Variants in FGF12 observed in about 807,000 individuals in gnomAD.
The protein encoded by FGF12 is fibroblast growth factor 12B.
A neutral mutation model predicts 23.6 loss-of-function variants in FGF12; 14 were observed. The ratio of observed to expected loss-of-function variants is 0.59; its 90% CI spans 0.39 to 0.93. The LOEUF (loss-of-function observed/expected upper bound fraction) is 0.93. FGF12 is among the 40% of genes least tolerant of loss of function. The pLI is 0.00. For synonymous variants in FGF12, 62 were observed against 77.3 expected, an observed-to-expected ratio of 0.80 and a Z score of 1.04; for missense variants, 175 against 217.8, an observed-to-expected ratio of 0.80 and a Z score of 1.24.
At chr3:192,626,432 T>C (rs1043945282) in intron 2 of FGF12, among the ~76,000 whole-genome samples, 10 of 152,214 alleles carry the variant, frequency 6.6e-5, no homozygotes, top group Non-Finnish European at 4.4e-5. Flanking sequence ...AAAGACTCTG[T>C]CACTATCCAA....
chr3:192,263,193 T>C (rs1385934654), intron 4 of FGF12, among the ~76,000 whole-genome samples: 1 of 152,036 alleles, frequency 6.6e-6, no homozygotes, highest in Non-Finnish European at 1.5e-5. Context: ...GCAGTAAAAA[T>C]GGTCCATTGT....
At chr3:192,313,580 A>G (rs1307615303) in intron 4 of FGF12, among the ~76,000 whole-genome samples, 1 of 152,232 alleles carries the variant, frequency 6.6e-6, no homozygotes, top group Non-Finnish European at 1.5e-5. Flanking sequence ...TCTGTTTCCA[A>G]ATCCCAGATG....
intron 2 of FGF12, among the ~76,000 whole-genome samples, chr3:192,707,850 G>C (rs928591524): frequency 6.6e-5 from 10 of 152,008 alleles, no homozygotes; most frequent in Admixed American, 1.3e-4. Flanking sequence ...AGGTGCAGGA[G>C]AAAGTTTTTA....
chr3:192,230,127 T>C (rs946115197), intron 4 of FGF12, among the ~76,000 whole-genome samples: 10 of 152,108 alleles, frequency 6.6e-5, no homozygotes, highest in African/African-American at 2.4e-4. Context: ...AATCAGAATA[T>C]ACATTTTACC....
intron 2 of FGF12, among the ~76,000 whole-genome samples, chr3:192,394,196 T>A (rs1720423985): frequency 6.6e-6 from 1 of 152,178 alleles, no homozygotes; most frequent in African/African-American, 2.4e-5. Flanking sequence ...TTAAAACAAA[T>A]ACTAGTTCCA....
chr3:192,157,324 C>T (rs1714482540), intron 5 of FGF12, among the ~76,000 whole-genome samples: 1 of 152,054 alleles, frequency 6.6e-6, no homozygotes, highest in South Asian at 2.1e-4. Flanking sequence ...CAGAACAGGA[C>T]CATAATATAT....
intron 2 of FGF12, among the ~76,000 whole-genome samples, chr3:192,397,944 A>AT (rs1553807914): frequency 2.6e-5 from 3 of 115,618 alleles, no homozygotes; most frequent in African/African-American, 7.9e-5. Context: ...CACCAGTGCA[A>AT]TTTAAAAAAA....
At chr3:192,386,759 A>G (rs1200491490) in intron 2 of FGF12, among the ~76,000 whole-genome samples, 1 of 152,196 alleles carries the variant, frequency 6.6e-6, no homozygotes, top group Non-Finnish European at 1.5e-5. Context: ...AAATCAAACT[A>G]TTTCTGACCT....
At chr3:192,535,054 A>T (rs1050163472) in intron 2 of FGF12, among the ~76,000 whole-genome samples, 1 of 152,160 alleles carries the variant, frequency 6.6e-6, no homozygotes, top group East Asian at 1.9e-4. Flanking sequence ...CATTATTAGG[A>T]TATGTTATAA....
chr3:192,213,068 T>C (rs1718016787), intron 4 of FGF12, among the ~76,000 whole-genome samples: 1 of 152,220 alleles, frequency 6.6e-6, no homozygotes, highest in East Asian at 1.9e-4. Flanking sequence ...GTGCCAATCT[T>C]TATCAATGTC....
intron 4 of FGF12, among the ~76,000 whole-genome samples, chr3:192,172,523 TTAGAG>T (rs1315474249): frequency 6.6e-6 from 1 of 150,938 alleles, no homozygotes; most frequent in East Asian, 1.9e-4. Context: ...ATATGATTTC[TTAGAG>T]TACTTTGAGT....
chr3:192,279,345 C>G (rs1714006802), intron 4 of FGF12, among the ~76,000 whole-genome samples: 1 of 151,694 alleles, frequency 6.6e-6, no homozygotes, highest in Admixed American at 6.6e-5. Flanking sequence ...AAGAAAATGA[C>G]TCTAAGAGAG....
chr3:192,529,951 A>AT (rs1163185030), intron 2 of FGF12, among the ~76,000 whole-genome samples: 2 of 151,712 alleles, frequency 1.3e-5, no homozygotes, highest in Admixed American at 1.3e-4. Context: ...GTTGTTACAC[A>AT]TATCTAATGG....
chr3:192,496,448 C>T (rs1404978030), intron 2 of FGF12, among the ~76,000 whole-genome samples: 1 of 151,938 alleles, frequency 6.6e-6, no homozygotes, highest in Non-Finnish European at 1.5e-5. Context: ...CAATATCCGC[C>T]GTCTTTTTCC....
intron 2 of FGF12, among the ~76,000 whole-genome samples, chr3:192,661,165 G>A (rs1271953140): frequency 6.7e-6 from 1 of 148,816 alleles, no homozygotes; most frequent in East Asian, 2.0e-4. Flanking sequence ...AGAAAAGCAA[G>A]GTAACAAAAT....
At chr3:192,503,587 T>G (rs199675860) in intron 2 of FGF12, among the ~76,000 whole-genome samples, 1,182 of 105,220 alleles carry the variant, frequency 0.011, 7 homozygotes, top group African/African-American at 0.024. Context: ...TTTTTTTTTT[T>G]GGTGTGTGTG....
intron 4 of FGF12, among the ~76,000 whole-genome samples, chr3:192,327,572 C>T (rs111415977): frequency 8.6e-6 from 1 of 115,724 alleles, no homozygotes; most frequent in Non-Finnish European, 1.9e-5. Flanking sequence ...AAAAATAAAC[C>T]TTTTAAAAAC....
chr3:192,219,443 G>T (rs533893845), intron 4 of FGF12, among the ~76,000 whole-genome samples: 78 of 152,222 alleles, frequency 5.1e-4, no homozygotes, highest in African/African-American at 1.8e-3. Flanking sequence ...GCTGCCTAGT[G>T]GGATCACCTG....
chr3:192,688,365 C>A (rs534673154), intron 2 of FGF12, among the ~76,000 whole-genome samples: 1 of 152,200 alleles, frequency 6.6e-6, no homozygotes, highest in East Asian at 1.9e-4. Flanking sequence ...ACCCCCCAAC[C>A]TCTGCCACAG....
Sources: allele counts gnomAD v4.1 joint callset (sites outside exome capture counted in the v4.1 genomes callset), GRCh38; gene constraint gnomAD v4.1.1; transcripts MANE v1.5; gene names NCBI Gene and HGNC (gene_info 2026-07-23, HGNC 2026-07-21).